GNS: variants seen among roughly 807,000 people sequenced by gnomAD.
The protein encoded by GNS is glucosamine (N-acetyl)-6-sulfatase.
A neutral mutation model predicts 69.7 loss-of-function variants in GNS; 40 were observed. The ratio of observed to expected loss-of-function variants is 0.57; its 90% CI spans 0.45 to 0.75. The LOEUF (loss-of-function observed/expected upper bound fraction) is 0.75, where lower values mean the gene tolerates loss of function less well. Ranked by LOEUF, GNS falls within the 30% of genes least tolerant of loss-of-function variation. The pLI, the probability that GNS is intolerant of heterozygous loss-of-function variation, is 0.00. For missense variants in GNS, 565 were observed against 685.5 expected, an observed-to-expected ratio of 0.82 and a Z score of 1.96; for synonymous variants, 243 against 251.6, an observed-to-expected ratio of 0.97 and a Z score of 0.32.
intron 10 of GNS, among the ~76,000 whole-genome samples, chr12:64,728,516 G>C (rs1261861): frequency 0.53 from 81,359 of 152,110 alleles, 22,769 homozygotes; most frequent in East Asian, 0.88. Context: ...ATCTTTGCCA[G>C]TTCACAGAGA....
At chr12:64,718,077 C>T (rs1868921519) in intron 13 of GNS, among the ~76,000 whole-genome samples, 1 of 152,182 alleles carries the variant, frequency 6.6e-6, no homozygotes, top group African/African-American at 2.4e-5. Flanking sequence ...ATGTGTGAGG[C>T]TGTGTTCCCG....
Position 64,759,325 on chromosome 12 carries a change from G to A in GNS, c.-49C>T, listed in dbSNP as rs1402681492. On this transcript the variant is annotated 5_prime_UTR_variant, in exon 1 of 14. Transcript: ENST00000258145. ...CCGGGACGGGACGGGACGGAGGGAC[G>A]CACAGGTAGCTGAAGGGCGAGAGGC... The A allele has an allele frequency of 4.7e-6, 6 of 1,289,660 alleles. No individual in the cohort carries two copies. The highest frequency in any genetic ancestry group is 3.0e-5 in the African/African-American group (2 of 66,736). 79.9% of individuals were successfully genotyped at this position (1,289,660 alleles called of 1,614,324 possible).
At chr12:64,738,319 T>C (rs1461061060) in intron 8 of GNS, among the ~76,000 whole-genome samples, 2 of 152,226 alleles carry the variant, frequency 1.3e-5, no homozygotes, top group African/African-American at 4.8e-5. Context: ...GGTCTGCATC[T>C]TGATACATAA....
chr12:64,740,076 G>A (rs1052647407), intron 7 of GNS, among the ~76,000 whole-genome samples: 12 of 152,240 alleles, frequency 7.9e-5, no homozygotes, highest in Admixed American at 7.8e-4. Context: ...GAGCTGAGTA[G>A]TTGTGACAGA....
chr12:64,724,079 G>A (rs1239342799), intron 10 of GNS, among the ~76,000 whole-genome samples: 1 of 152,170 alleles, frequency 6.6e-6, no homozygotes, highest in Non-Finnish European at 1.5e-5. Flanking sequence ...CTCTTAAAAT[G>A]GTCAAAGTCT....
Position 64,716,498 on chromosome 12 carries a change from G to A in GNS, c.*243C>T. The A allele has an allele frequency of 1.8e-6, 1 of 562,592 alleles. No individual in the cohort carries two copies. The highest frequency in any genetic ancestry group is 2.9e-5 in the Admixed American group (1 of 34,994). The allele number at this position is 562,592 out of a possible 1,614,324, so 34.9% of individuals were successfully genotyped here. A position where few individuals can be genotyped will look rare whatever the true frequency, so the allele number is the denominator to read the frequency against. ...AATACAGTGAGAACAAAGACCTCAG[G>A]AGTGTCCTTGTCAGCTAAAGGAAGA... On this transcript the variant is annotated 3_prime_UTR_variant, in exon 14 of 14. Transcript: ENST00000258145.
intron 13 of GNS, 128 bp downstream of exon 13, chr12:64,719,894 A>T: frequency 1.3e-6 from 1 of 740,944 alleles, no homozygotes; most frequent in Non-Finnish European, 2.4e-6. Flanking sequence ...TGATGCAATT[A>T]GAACACAGTA....
At chr12:64,755,297 A>G (rs1870213195) in intron 1 of GNS, among the ~76,000 whole-genome samples, 2 of 152,134 alleles carry the variant, frequency 1.3e-5, no homozygotes, top group Non-Finnish European at 2.9e-5. Flanking sequence ...CAGTGAAGCA[A>G]TGACATATTT....
chr12:64,743,366 G>T (rs1869806685), intron 5 of GNS, 58 bp from the exon 6 acceptor site: 1 of 1,228,274 alleles, frequency 8.1e-7, no homozygotes, highest in Non-Finnish European at 1.2e-6. Flanking sequence ...GTATTTAATA[G>T]ATAAATGTCT....
intron 13 of GNS, among the ~76,000 whole-genome samples, chr12:64,718,296 T>C (rs1010669251): frequency 6.6e-6 from 1 of 151,788 alleles, no homozygotes; most frequent in African/African-American, 2.4e-5. Context: ...AAACAGAAAA[T>C]CAGGTTAAGT....
rs11175525 is a variant in GNS at position 64,716,330 on chromosome 12, C to T, written c.*411G>A. 11,089 of 267,528 alleles carry T rather than the reference C, an allele frequency of 0.041. 784 individuals are homozygous for T. Among genetic ancestry groups the T allele is most frequent in the African/African-American group, 0.18 (8,323 of 45,942 alleles). The allele number at this position is 267,528 out of a possible 1,614,324, so 16.6% of individuals were successfully genotyped here. A position where few individuals can be genotyped will look rare whatever the true frequency, so the allele number is the denominator to read the frequency against. On this transcript the variant is annotated 3_prime_UTR_variant, in exon 14 of 14. Transcript: ENST00000258145. ...CTGAAATGCTACACAGGTCCTTTGA[C>T]TTTAGGTCAAGCTTACATATCAAAA...
At chr12:64,731,391 T>C (rs1280541425) in intron 9 of GNS, among the ~76,000 whole-genome samples, 1 of 152,224 alleles carries the variant, frequency 6.6e-6, no homozygotes, top group East Asian at 1.9e-4. Flanking sequence ...CTCTTTCTAA[T>C]GGCATTTTGC....
intron 13 of GNS, 75 bp downstream of exon 13, chr12:64,719,947 G>T: frequency 1.1e-6 from 1 of 938,026 alleles, no homozygotes; most frequent in Non-Finnish European, 1.8e-6. Flanking sequence ...AGCAAAAAGG[G>T]CTCCCTTTGC....
chr12:64,748,190 C>T (rs984219370), intron 2 of GNS, among the ~76,000 whole-genome samples: 6 of 151,440 alleles, frequency 4.0e-5, no homozygotes, highest in African/African-American at 7.3e-5. Context: ...TCTCATCTGC[C>T]GCAGAGATAG....
chr12:64,750,107 C>T (rs1870030141), intron 2 of GNS, among the ~76,000 whole-genome samples: 1 of 152,032 alleles, frequency 6.6e-6, no homozygotes, highest in South Asian at 2.1e-4. Context: ...AGTGCAGTGG[C>T]ACAGTCTTGG....
chr12:64,753,697 T>G (rs1181776786), intron 1 of GNS, among the ~76,000 whole-genome samples: 1 of 152,236 alleles, frequency 6.6e-6, no homozygotes. Context: ...AATGTATAAA[T>G]GACTTTTCCC....
At position 64,715,228 on chromosome 12, in the gene GNS, G is replaced by C. The variant is rs551308742; in HGVS notation, c.*1513C>G. The C allele has an allele frequency of 6.6e-6, 1 of 152,270 alleles. No individual in the cohort carries two copies. The highest frequency in any genetic ancestry group is 1.9e-4 in the East Asian group (1 of 5,184). 9.4% of individuals were successfully genotyped at this position (152,270 alleles called of 1,614,324 possible). ...TTGAGCCAAGAAACATAAAAATTTA[G>C]GTGTTCTTAGCCAAGCGTGGTGGCT... On this transcript the variant is annotated 3_prime_UTR_variant, in exon 14 of 14. Transcript: ENST00000258145.
chr12:64,737,153 C>T (rs1246031659), intron 8 of GNS, 46 bp from the exon 9 acceptor site: 4 of 978,128 alleles, frequency 4.1e-6, no homozygotes, highest in Non-Finnish European at 6.7e-6. Flanking sequence ...AGACAGGAGC[C>T]TTGCTCATGT....
intron 11 of GNS, among the ~76,000 whole-genome samples, chr12:64,722,064 G>T (rs1245176): frequency 0.1 from 15,772 of 150,518 alleles, 1,083 homozygotes; most frequent in South Asian, 0.25. Flanking sequence ...TGCTCTTGTC[G>T]TGCAGGCTAG....
Sources: allele counts gnomAD v4.1 joint callset (sites outside exome capture counted in the v4.1 genomes callset), GRCh38; gene constraint gnomAD v4.1.1; transcripts MANE v1.5; gene names NCBI Gene and HGNC (gene_info 2026-07-23, HGNC 2026-07-21).